Variants in TGFBRAP1 observed in about 807,000 individuals in gnomAD.
TGFBRAP1 encodes transforming growth factor-beta receptor-associated protein 1.
In TGFBRAP1, 20 loss-of-function variants were observed where a neutral mutation model predicts 83.2. The ratio of observed to expected loss-of-function variants is 0.24; its 90% CI spans 0.17 to 0.35. The LOEUF (loss-of-function observed/expected upper bound fraction) is 0.35. Among genes scored for constraint, TGFBRAP1 ranks in the 10% least tolerant of loss-of-function variants. The pLI, the probability that TGFBRAP1 is intolerant of heterozygous loss-of-function variation, is 1.00. For synonymous variants in TGFBRAP1, 415 were observed against 459.8 expected, an observed-to-expected ratio of 0.90 and a Z score of 1.25; for missense variants, 950 against 1,099.4, an observed-to-expected ratio of 0.86 and a Z score of 1.92.
intron 6 of TGFBRAP1, among the ~76,000 whole-genome samples, chr2:105,278,088 G>A (rs1023080610): frequency 1.3e-5 from 2 of 148,808 alleles, no homozygotes; most frequent in Non-Finnish European, 3.0e-5. Context: ...GTGTGTGTGT[G>A]TGTGTGTGTG....
In TGFBRAP1 at chr2:105,264,788, A is replaced by G. The variant is rs1676865742; in HGVS notation, c.*2595T>C. ...AGCAGATAAACAGTTCCAAAAACCAAATGGTATTGCCCATAGAATATGAAT... is the reference window on the plus strand; with the variant it reads ...AGCAGATAAACAGTTCCAAAAACCAGATGGTATTGCCCATAGAATATGAAT... On this transcript the variant is annotated 3_prime_UTR_variant, in exon 12 of 12. Transcript: ENST00000393359. 1 of 152,234 alleles carries G rather than the reference A, an allele frequency of 6.6e-6. No individual in the cohort carries two copies. Among genetic ancestry groups the G allele is most frequent in the Non-Finnish European group, 1.5e-5 (1 of 68,042 alleles). 9.4% of individuals were successfully genotyped at this position (152,234 alleles called of 1,614,324 possible).
chr2:105,306,043 TC>T (rs1294554833), intron 2 of TGFBRAP1, among the ~76,000 whole-genome samples: 2 of 149,880 alleles, frequency 1.3e-5, no homozygotes, highest in African/African-American at 5.0e-5. Flanking sequence ...TACGGAGTTT[TC>T]TGGTTTTTTG....
chr2:105,269,272 C>G lies in TGFBRAP1; in HGVS notation c.2406G>C (p.Lys802Asn). Residue 802 changes from lysine to asparagine, a missense_variant and splice_region_variant, in exon 11 of 12, where the codon AAG becomes AAC. Lys to Asn is a moderately conservative substitution (Grantham distance 94). Coordinates refer to ENST00000393359, the MANE Select transcript of TGFBRAP1 (RefSeq NM_004257.6). This position sits in a 1 kb window ranked among gnomAD's most constrained non-coding sequence, Gnocchi z 4.1. ...GCAGCTCGTGGGGGCCAGCACTTAC[C>G]TTATCGTAGGTGTAGATTAAGTTTT... ...RSENLIYTYD[K>N]MKLKGSSIQL... 1 of 1,595,052 alleles carries G rather than the reference C, an allele frequency of 6.3e-7. No homozygotes were observed. Among genetic ancestry groups the G allele is most frequent in the African/African-American group, 1.3e-5 (1 of 74,696 alleles).
At chr2:105,262,765 C>T (rs1308681597), downstream of TGFBRAP1, among the ~76,000 whole-genome samples, 2 of 152,228 alleles carry the variant, frequency 1.3e-5, no homozygotes, top group African/African-American at 4.8e-5. Context: ...CGACTCTGGA[C>T]TGCAGGCTGA....
chr2:105,275,836 A>G, intron 7 of TGFBRAP1, 133 bp from the exon 8 acceptor site: 1 of 879,912 alleles, frequency 1.1e-6, no homozygotes, highest in Non-Finnish European at 1.6e-6. Context: ...AGTAGTTGGA[A>G]AAACTGTAAA....
chr2:105,281,077 C>T (rs145803687), intron 5 of TGFBRAP1, among the ~76,000 whole-genome samples: 39 of 152,314 alleles, frequency 2.6e-4, no homozygotes, highest in African/African-American at 8.4e-4. Context: ...TCAGAGTCTG[C>T]GCAAAGGCAC....
At chr2:105,325,301 GTT>G (rs1194952912) in intron 1 of TGFBRAP1, among the ~76,000 whole-genome samples, 2 of 152,132 alleles carry the variant, frequency 1.3e-5, no homozygotes, top group African/African-American at 4.8e-5. Flanking sequence ...CCAAAACTGG[GTT>G]TGGTGGGATA....
Position 105,277,679 on chromosome 2 carries a change from AG to A in TGFBRAP1, c.1464-9del, listed in dbSNP as rs1286405079. 1 of 1,614,138 alleles carries A rather than the reference AG, an allele frequency of 6.2e-7. No homozygotes were observed. Among genetic ancestry groups the A allele is most frequent in the Admixed American group, 1.7e-5 (1 of 60,024 alleles). ...AGTCCAAGTGCAAAATACCTGAAAC[AG>A]AACAACACGGTAAGTACAACCTCTC... On this transcript the variant is annotated splice_polypyrimidine_tract_variant and intron_variant, in intron 6 of 11. Coordinates refer to ENST00000393359, the MANE Select transcript of TGFBRAP1 (RefSeq NM_004257.6).
chr2:105,310,509 T>C (rs2104398596), intron 1 of TGFBRAP1, among the ~76,000 whole-genome samples: 1 of 151,936 alleles, frequency 6.6e-6, no homozygotes, highest in Non-Finnish European at 1.5e-5. Context: ...ACAGAAACTA[T>C]GGAAAAGAGC....
intron 1 of TGFBRAP1, among the ~76,000 whole-genome samples, chr2:105,321,356 T>C (rs1482021394): frequency 1.3e-5 from 2 of 151,844 alleles, no homozygotes; most frequent in Admixed American, 1.3e-4. Context: ...TTAGTAAAGA[T>C]GGGGTTTCAC....
intron 9 of TGFBRAP1, 31 bp downstream of exon 9, chr2:105,273,513 C>A (rs7590709): frequency 6.2e-7 from 1 of 1,611,412 alleles, no homozygotes; most frequent in African/African-American, 1.3e-5. Flanking sequence ...CTCCAGCCCA[C>A]ACTCTTTAGT....
chr2:105,305,040 G>C (rs931642375), intron 2 of TGFBRAP1, among the ~76,000 whole-genome samples: 2 of 152,154 alleles, frequency 1.3e-5, no homozygotes, highest in African/African-American at 4.8e-5. Flanking sequence ...TAACACATTT[G>C]TCGAGCATGG....
At chr2:105,291,691 C>T (rs1677921865) in intron 4 of TGFBRAP1, among the ~76,000 whole-genome samples, 1 of 152,146 alleles carries the variant, frequency 6.6e-6, no homozygotes, top group Non-Finnish European at 1.5e-5. Context: ...TATTGTATGA[C>T]TTCACTTATG....
At chr2:105,275,439 C>T in intron 8 of TGFBRAP1, 121 bp downstream of exon 8, 2 of 1,452,432 alleles carry the variant, frequency 1.4e-6, no homozygotes, top group South Asian at 1.5e-5. Context: ...ATAACAACAA[C>T]AAAAAACAGA....
At chr2:105,302,729 C>T (rs937966773) in intron 2 of TGFBRAP1, among the ~76,000 whole-genome samples, 7 of 152,128 alleles carry the variant, frequency 4.6e-5, no homozygotes, top group South Asian at 4.1e-4. Context: ...TTGCTGTATC[C>T]GTCTGTCTTG....
intron 8 of TGFBRAP1, among the ~76,000 whole-genome samples, chr2:105,274,321 C>T (rs146964643): frequency 6.6e-6 from 1 of 152,322 alleles, no homozygotes; most frequent in Non-Finnish European, 1.5e-5. Flanking sequence ...CTCCACTGCA[C>T]CTCCCCTGAG....
the TGFBRAP1 span, among the ~76,000 whole-genome samples, chr2:105,252,989 C>T: frequency 3.3e-5 from 5 of 152,082 alleles, no homozygotes; most frequent in African/African-American, 9.7e-5. Flanking sequence ...CTCCTGACCT[C>T]GTGATCTGCC....
rs60031957 is a variant in TGFBRAP1, at chr2:105,296,756, CTTTTTTTTTT to C, written c.884-256_884-247del. ...ATAATATCTTGCTTTCTTTTTTTGC[CTTTTTTTTTT>C]TTTTTTTTTTTTTTTTTACTGAGAA... On this transcript the variant is annotated intron_variant, in intron 3 of 11. Transcript: ENST00000393359. 5.5e-4 allele frequency among the ~76,000 whole-genome samples: 40 copies of C among 73,214 alleles called. 1 individual carries two copies. Among genetic ancestry groups the C allele is most frequent in the Admixed American group, 7.6e-4 (4 of 5,286 alleles). The allele number at this position is 73,214 out of a possible 152,430, so 48.0% of individuals were successfully genotyped here.
intron 11 of TGFBRAP1, 52 bp from the exon 12 acceptor site, chr2:105,267,611 A>C: frequency 6.2e-7 from 1 of 1,605,104 alleles, no homozygotes; most frequent in Non-Finnish European, 8.5e-7. Context: ...AGTATATTTA[A>C]AGTGGCTACG....
Sources: gnomAD v4.1 joint callset for allele counts (sites outside exome capture counted in the v4.1 genomes callset) on GRCh38, gnomAD v4.1.1 for gene constraint, Gnocchi (gnomAD v3.1) non-coding constraint, MANE v1.5 for transcripts, NCBI Gene and HGNC (gene_info 2026-07-23, HGNC 2026-07-21) for gene names.